The following FRMD4A variants were observed in gnomAD, a reference collection of about 807,000 sequenced individuals.
FRMD4A encodes FERM domain containing 4A, also known as FERM domain-containing protein 4A.
FRMD4A carries 29 observed loss-of-function variants against 129.1 expected under a neutral mutation model. The ratio of observed to expected loss-of-function variants is 0.22; its 90% confidence interval spans 0.17 to 0.31. FRMD4A has a LOEUF of 0.31. Ranked by LOEUF, FRMD4A falls within the 10% of genes least tolerant of loss-of-function variation. The pLI is 1.00. For synonymous variants in FRMD4A, 634 were observed against 571.6 expected, an observed-to-expected ratio of 1.11 and a Z score of -1.56; for missense variants, 1,272 against 1,375.8, an observed-to-expected ratio of 0.92 and a Z score of 1.19.
chr10:14,009,686 C>T (rs1464736808), intron 2 of FRMD4A, among the ~76,000 whole-genome samples: 2 of 152,214 alleles, frequency 1.3e-5, no homozygotes, highest in Non-Finnish European at 2.9e-5. Flanking sequence ...CCAGCGCAGA[C>T]ACACATCACG....
chr10:13,663,619 A>G, intron 18 of FRMD4A, 110 bp from the exon 19 acceptor site: 1 of 692,122 alleles, frequency 1.4e-6, no homozygotes, highest in Non-Finnish European at 2.7e-6. Context: ...CTTCCTAACC[A>G]GAAACAACCC....
chr10:13,778,210 G>T (rs1221866129), intron 6 of FRMD4A, among the ~76,000 whole-genome samples: 1 of 151,796 alleles, frequency 6.6e-6, no homozygotes, highest in African/African-American at 2.4e-5. Flanking sequence ...TTCTGAACTT[G>T]GTTTCAAAGC....
intron 3 of FRMD4A, among the ~76,000 whole-genome samples, chr10:13,849,638 C>A (rs1023017075): frequency 2.0e-5 from 3 of 151,558 alleles, no homozygotes; most frequent in South Asian, 2.1e-4. Flanking sequence ...CACCACCATG[C>A]CCGGCTAATT....
intron 2 of FRMD4A, among the ~76,000 whole-genome samples, chr10:14,125,888 A>G (rs1401506071): frequency 6.6e-6 from 1 of 152,192 alleles, no homozygotes; most frequent in Non-Finnish European, 1.5e-5. Context: ...ACAGAACAAA[A>G]CAAAACAAAA....
chr10:14,220,585 C>T (rs949916672), intron 2 of FRMD4A, among the ~76,000 whole-genome samples: 5 of 152,196 alleles, frequency 3.3e-5, no homozygotes, highest in African/African-American at 1.2e-4. Flanking sequence ...TGAAATCCCA[C>T]CGATTAGAGG....
intron 2 of FRMD4A, among the ~76,000 whole-genome samples, chr10:14,247,089 C>T (rs987488396): frequency 1.3e-5 from 2 of 152,112 alleles, no homozygotes; most frequent in Non-Finnish European, 2.9e-5. Context: ...GCTCTTCTAG[C>T]GCGTGCACCA....
intron 2 of FRMD4A, among the ~76,000 whole-genome samples, chr10:14,020,758 G>T (rs540966025): frequency 1.3e-5 from 2 of 152,090 alleles, no homozygotes; most frequent in Non-Finnish European, 2.9e-5. Context: ...AACAGCCACA[G>T]GTTGCTGTGG....
At chr10:14,107,670 T>A (rs1837657890) in intron 2 of FRMD4A, among the ~76,000 whole-genome samples, 1 of 152,202 alleles carries the variant, frequency 6.6e-6, no homozygotes, top group Non-Finnish European at 1.5e-5. Flanking sequence ...AGTGTGTATA[T>A]ATTCATATCT....
chr10:13,702,698 G>C (rs2086960683), intron 13 of FRMD4A, among the ~76,000 whole-genome samples: 1 of 151,938 alleles, frequency 6.6e-6, no homozygotes, highest in African/African-American at 2.4e-5. Flanking sequence ...GGGTAATCAG[G>C]ACTTACAAAC....
intron 2 of FRMD4A, among the ~76,000 whole-genome samples, chr10:14,127,958 C>T (rs1191325124): frequency 8.9e-5 from 3 of 33,522 alleles, no homozygotes; most frequent in Admixed American, 3.5e-4. Context: ...TTCTTTCTTT[C>T]TTTCTTTCTT....
At chr10:13,998,945 C>T (rs2131450464) in intron 2 of FRMD4A, among the ~76,000 whole-genome samples, 1 of 152,274 alleles carries the variant, frequency 6.6e-6, no homozygotes, top group South Asian at 2.1e-4. Context: ...CTTCTCATGG[C>T]CTGCACAGCC....
intron 24 of FRMD4A, among the ~76,000 whole-genome samples, chr10:13,650,530 T>A (rs1012949234): frequency 6.6e-6 from 1 of 152,202 alleles, no homozygotes; most frequent in African/African-American, 2.4e-5. Context: ...CCTATCTCCA[T>A]CACCTTTAGC....
chr10:14,126,619 A>G (rs933423209), intron 2 of FRMD4A, among the ~76,000 whole-genome samples: 17 of 152,192 alleles, frequency 1.1e-4, no homozygotes, highest in African/African-American at 4.1e-4. Flanking sequence ...CCATCTGCAT[A>G]GAATACGTCT....
At chr10:13,840,794 A>G (rs1379080751) in intron 3 of FRMD4A, among the ~76,000 whole-genome samples, 1 of 26,276 alleles carries the variant, frequency 3.8e-5, no homozygotes, top group Admixed American at 4.0e-4. Flanking sequence ...GTCTCAAAAA[A>G]AAAAAAAAAA....
chr10:14,208,067 T>A (rs1331032554), intron 2 of FRMD4A, among the ~76,000 whole-genome samples: 1 of 151,946 alleles, frequency 6.6e-6, no homozygotes, highest in Admixed American at 6.6e-5. Flanking sequence ...CATGGTGGTG[T>A]GCGCCTGTTC....
intron 12 of FRMD4A, among the ~76,000 whole-genome samples, chr10:13,724,690 A>G: frequency 6.6e-6 from 1 of 152,234 alleles, no homozygotes; most frequent in East Asian, 1.9e-4. Flanking sequence ...GGCGGCTGCT[A>G]CGTCATCTGG....
At chr10:13,775,961 C>T (rs1362342884) in intron 6 of FRMD4A, among the ~76,000 whole-genome samples, 1 of 152,186 alleles carries the variant, frequency 6.6e-6, no homozygotes, top group Non-Finnish European at 1.5e-5. Flanking sequence ...AAAAAACGAG[C>T]TGCAACCACA....
rs1324963098 is a variant in FRMD4A, at chr10:13,660,625, C to A, written c.1661-72G>T. ...CACAGGCTGAGACAGAACCCCTACACCCCTCCACCCGCACCTTGGAGCCAC... is the reference window on the plus strand; with the variant it reads ...CACAGGCTGAGACAGAACCCCTACAACCCTCCACCCGCACCTTGGAGCCAC... On this transcript the variant is annotated intron_variant, in intron 19 of 24. Transcript: ENST00000357447. 5 of 889,786 alleles carry A rather than the reference C, an allele frequency of 5.6e-6. No homozygotes were observed. The Admixed American group carries it at 8.6e-5, about 15-fold the overall frequency. 55.1% of individuals were successfully genotyped at this position (889,786 alleles called of 1,614,324 possible).
chr10:13,831,523 C>T (rs2093790171), intron 3 of FRMD4A, among the ~76,000 whole-genome samples: 1 of 152,198 alleles, frequency 6.6e-6, no homozygotes, highest in African/African-American at 2.4e-5. Context: ...CTTGGACTGG[C>T]ATTAAGGTTT....
Sources: allele counts gnomAD v4.1 joint callset (sites outside exome capture counted in the v4.1 genomes callset), GRCh38; gene constraint gnomAD v4.1.1; transcripts MANE v1.5; gene names NCBI Gene and HGNC (gene_info 2026-07-23, HGNC 2026-07-21).